NHEJ1: variants seen among roughly 807,000 people sequenced by gnomAD.
NHEJ1 encodes non-homologous end-joining factor 1.
Under a neutral mutation model 39.4 loss-of-function variants are expected in NHEJ1, and 22 were observed. The ratio of observed to expected loss-of-function variants is 0.56; its 90% CI spans 0.40 to 0.80. NHEJ1 has a LOEUF of 0.80. Among genes scored for constraint, NHEJ1 ranks in the 30% least tolerant of loss-of-function variants. NHEJ1 has a pLI of 0.00. For missense variants in NHEJ1, 329 were observed against 357.1 expected, an observed-to-expected ratio of 0.92 and a Z score of 0.63; for synonymous variants, 154 against 135.6, an observed-to-expected ratio of 1.14 and a Z score of -0.94.
At chr2:219,146,988 A>G (rs1949747362) in intron 4 of NHEJ1, among the ~76,000 whole-genome samples, 2 of 152,218 alleles carry the variant, frequency 1.3e-5, no homozygotes, top group Non-Finnish European at 1.5e-5. Context: ...ACAAAAACAA[A>G]GGCCAAATTG....
At position 219,076,513 on chromosome 2, in the gene NHEJ1, G is replaced by A. The variant is rs181732742; in HGVS notation, c.826-58C>T. On this transcript the variant is annotated intron_variant, in intron 7 of 7. Transcript: ENST00000356853. ...TTTGAAATAGTTCCACTGAAATTAGGAAAGGAACTTTCTTCCTCTCATGGC... is the reference window on the plus strand; with the variant it reads ...TTTGAAATAGTTCCACTGAAATTAGAAAAGGAACTTTCTTCCTCTCATGGC... 6.8e-6 allele frequency: 10 copies of A among 1,464,100 alleles called. No homozygotes were observed. In the Admixed American group the frequency reaches 1.6e-4, roughly 23 times the overall value. The allele number at this position is 1,464,100 out of a possible 1,614,324, so 90.7% of individuals were successfully genotyped here. A position where few individuals can be genotyped will look rare whatever the true frequency, so the allele number is the denominator to read the frequency against.
intron 5 of NHEJ1, among the ~76,000 whole-genome samples, chr2:219,144,608 A>G (rs770418479): frequency 1.3e-5 from 2 of 152,158 alleles, no homozygotes; most frequent in Non-Finnish European, 2.9e-5. Context: ...ATCTAAAGAC[A>G]AGATGAAACA....
chr2:219,138,514 T>C (rs1225643992), intron 5 of NHEJ1, among the ~76,000 whole-genome samples: 1 of 152,206 alleles, frequency 6.6e-6, no homozygotes, highest in Non-Finnish European at 1.5e-5. Flanking sequence ...AGATATGATT[T>C]CTTCTTCTAT....
chr2:219,130,152 C>T (rs568799070), intron 5 of NHEJ1, among the ~76,000 whole-genome samples: 61 of 151,714 alleles, frequency 4.0e-4, no homozygotes, highest in South Asian at 3.7e-3. Flanking sequence ...ATCTCATTAG[C>T]GTGTCCTATG....
rs34689457 is a variant in NHEJ1 at position 219,158,323 on chromosome 2, C to A, written c.40G>T (p.Ala14Ser). 6.2e-7 allele frequency: 1 copy of A among 1,614,154 alleles called. No individual in the cohort carries two copies. The highest frequency in any genetic ancestry group is 1.7e-4 in the Middle Eastern group (1 of 6,060). The change falls in exon 2 of 8, where the codon GCG (alanine) becomes TCG (serine). Residue 14 changes from alanine (A) to serine (S), a missense_variant. By Grantham distance (99) the Ala-to-Ser change is moderately conservative. Transcript: ENST00000356853. ...GAGTTCTCTGCAAGCTGTAGCCACG[C>A]CCATGGCTGCATCAACAGGCCTTGC... Reference protein sequence around the residue: ...LEQGLLMQPWAWLQLAENSLL... With the variant: ...LEQGLLMQPWSWLQLAENSLL...
chr2:219,159,540 T>TATATATGCGC (rs1559206146), intron 1 of NHEJ1, among the ~76,000 whole-genome samples: 1 of 33,048 alleles, frequency 3.0e-5, no homozygotes, highest in Non-Finnish European at 5.7e-5. Flanking sequence ...TATATATGCA[T>TATATATGCGC]ATATATATAT....
intron 5 of NHEJ1, among the ~76,000 whole-genome samples, chr2:219,131,528 G>C (rs1023781143): frequency 1.3e-5 from 2 of 152,106 alleles, no homozygotes; most frequent in South Asian, 2.1e-4. Flanking sequence ...ATAGCTTCAG[G>C]GGGTAGTTTA....
In NHEJ1 at chr2:219,096,016, A is replaced by G. The variant is rs77460602; in HGVS notation, c.589-17810T>C. On this transcript the variant is annotated intron_variant, in intron 5 of 7. Coordinates refer to ENST00000356853, the MANE Select transcript of NHEJ1 (RefSeq NM_024782.3). ...CAAGAAACATTTCCTAAAACTCAAC[A>G]TCAAAGCCCAGAAATCAAGGAATCA... is the stretch of plus-strand genomic sequence containing the variant. 1.3e-3 allele frequency among the ~76,000 whole-genome samples: 204 copies of G among 152,308 alleles called. 2 individuals carry two copies. The East Asian group carries it at 0.029, about 22-fold the overall frequency.
rs558319456 is a variant in NHEJ1, at chr2:219,150,980, T to A, written c.391-3185A>T. Among the ~76,000 whole-genome samples the A allele has an allele frequency of 2.6e-4, 39 of 151,052 alleles. 2 individuals are homozygous for A. In the South Asian group the frequency reaches 8.0e-3, roughly 31 times the overall value. ...CAAAAAAAAACAGAAAAAAAAAAAT[T>A]AGCCAGGTGTGCTAAAGCATGCCTA... is the stretch of plus-strand genomic sequence containing the variant. On this transcript the variant is annotated intron_variant, in intron 3 of 7. Transcript: ENST00000356853.
At chr2:219,112,122 G>T (rs941315518) in intron 5 of NHEJ1, among the ~76,000 whole-genome samples, 2 of 152,188 alleles carry the variant, frequency 1.3e-5, no homozygotes, top group Non-Finnish European at 2.9e-5. Context: ...ATACAACAGA[G>T]ATTGTAACTA....
chr2:219,100,137 C>G (rs1175228955), intron 5 of NHEJ1, among the ~76,000 whole-genome samples: 1 of 152,154 alleles, frequency 6.6e-6, no homozygotes, highest in Non-Finnish European at 1.5e-5. Flanking sequence ...ACACAATAGT[C>G]AGGAATCACT....
intron 3 of NHEJ1, among the ~76,000 whole-genome samples, chr2:219,148,886 CCCT>C (rs914382374): frequency 6.6e-6 from 1 of 151,768 alleles, no homozygotes; most frequent in African/African-American, 2.4e-5. Flanking sequence ...ACACAACCCC[CCCT>C]TTTTTTTTTT....
chr2:219,130,813 T>C (rs916685528), intron 5 of NHEJ1, among the ~76,000 whole-genome samples: 1 of 152,158 alleles, frequency 6.6e-6, no homozygotes, highest in Non-Finnish European at 1.5e-5. Context: ...GTGAGGCTGG[T>C]TGCAGTGCCT....
intron 5 of NHEJ1, among the ~76,000 whole-genome samples, chr2:219,088,448 A>G (rs1429163834): frequency 6.6e-6 from 1 of 152,104 alleles, no homozygotes; most frequent in East Asian, 1.9e-4. Flanking sequence ...AGCTCTGATC[A>G]TGCCACTGCA....
intron 5 of NHEJ1, among the ~76,000 whole-genome samples, chr2:219,087,113 C>T (rs1949118957): frequency 6.6e-6 from 1 of 152,172 alleles, no homozygotes; most frequent in South Asian, 2.1e-4. Context: ...ACAAGCAGCT[C>T]CTGTCAGCTC....
chr2:219,135,505 A>G (rs1949618869), intron 5 of NHEJ1, among the ~76,000 whole-genome samples: 1 of 152,182 alleles, frequency 6.6e-6, no homozygotes, highest in Non-Finnish European at 1.5e-5. Context: ...GTAATTCAGG[A>G]GGCTGAGGCA....
At chr2:219,131,782 A>G (rs1949581138) in intron 5 of NHEJ1, among the ~76,000 whole-genome samples, 1 of 152,248 alleles carries the variant, frequency 6.6e-6, no homozygotes, top group African/African-American at 2.4e-5. Context: ...ATGTGGAATA[A>G]GAAAAGAGGC....
At chr2:219,083,117 G>C (rs1574701807) in intron 5 of NHEJ1, among the ~76,000 whole-genome samples, 2 of 152,170 alleles carry the variant, frequency 1.3e-5, no homozygotes, top group South Asian at 4.2e-4. Context: ...GTGGTGTTTG[G>C]GATTATTTAG....
intron 5 of NHEJ1, among the ~76,000 whole-genome samples, chr2:219,083,334 A>G (rs1426051014): frequency 6.6e-6 from 1 of 152,190 alleles, no homozygotes; most frequent in African/African-American, 2.4e-5. Flanking sequence ...CTGCAGTAGT[A>G]AAAGGCTGAG....
Sources: gnomAD v4.1 joint callset for allele counts (sites outside exome capture counted in the v4.1 genomes callset) on GRCh38, gnomAD v4.1.1 for gene constraint, MANE v1.5 for transcripts, NCBI Gene and HGNC (gene_info 2026-07-23, HGNC 2026-07-21) for gene names.